The following TYW1 variants were observed in gnomAD, a reference collection of about 807,000 sequenced individuals.
TYW1 encodes tRNA-yW synthesizing protein 1 homolog, also known as S-adenosyl-L-methionine-dependent tRNA 4-demethylwyosine synthase TYW1.
A neutral mutation model predicts 96.2 loss-of-function variants in TYW1; 46 were observed. The ratio of observed to expected loss-of-function variants is 0.48; its 90% confidence interval spans 0.38 to 0.61. The LOEUF (loss-of-function observed/expected upper bound fraction) is 0.61, where lower values mean the gene tolerates loss of function less well. Ranked by LOEUF, TYW1 falls within the 20% of genes least tolerant of loss-of-function variation. The probability of loss-of-function intolerance (pLI) is 0.00; values close to 1 mark genes in which losing one functional copy is unlikely to be tolerated. For missense variants in TYW1, 684 were observed against 909.6 expected (o/e 0.75, Z 3.19); for synonymous variants, 274 against 323.0 (o/e 0.85, Z 1.63).
chr7:67,105,870 G>A (rs936169839), intron 12 of TYW1, among the ~76,000 whole-genome samples: 1 of 149,808 alleles, frequency 6.7e-6, no homozygotes, highest in African/African-American at 2.4e-5. Context: ...GAACTTTTGA[G>A]AGAGGAGAGA....
chr7:67,046,487 A>G (rs1263631782), intron 7 of TYW1, among the ~76,000 whole-genome samples: 1 of 152,114 alleles, frequency 6.6e-6, no homozygotes, highest in Admixed American at 6.6e-5. Context: ...ATGGTACAGG[A>G]GAGGAAGAAA....
At chr7:67,177,070 A>C (rs1048810846) in intron 13 of TYW1, among the ~76,000 whole-genome samples, 1 of 152,246 alleles carries the variant, frequency 6.6e-6, no homozygotes, top group Non-Finnish European at 1.5e-5. Flanking sequence ...AGACAATGAG[A>C]AACAATTAGA....
chr7:67,146,543 C>A (rs10250751), intron 13 of TYW1, among the ~76,000 whole-genome samples: 1 of 151,612 alleles, frequency 6.6e-6, no homozygotes, highest in Non-Finnish European at 1.5e-5. Flanking sequence ...TAAACAAAGC[C>A]CAACCACTTG....
At chr7:67,185,502 G>A (rs191939484) in intron 14 of TYW1, among the ~76,000 whole-genome samples, 18 of 152,246 alleles carry the variant, frequency 1.2e-4, no homozygotes, top group Admixed American at 1.1e-3. Flanking sequence ...TTATAGGTAC[G>A]GGCTGAAAGA....
In TYW1 at chr7:67,045,845, G is replaced by A. The variant is rs567490268; in HGVS notation, c.985-4104G>A. Among the ~76,000 whole-genome samples the A allele has an allele frequency of 2.0e-5, 3 of 152,164 alleles. No homozygotes were observed. In the South Asian group the frequency reaches 6.2e-4, roughly 32 times the overall value. On this transcript the variant is annotated intron_variant, in intron 7 of 15. Coordinates refer to ENST00000359626, the MANE Select transcript of TYW1 (RefSeq NM_018264.4). ...TTGTCCCTTAGGAGAAATCAAGGCC[G>A]TGGACAAGAATGGTGGCATTGTAGA...
intron 8 of TYW1, among the ~76,000 whole-genome samples, chr7:67,050,475 G>A (rs1584502438): frequency 6.6e-6 from 1 of 152,058 alleles, no homozygotes; most frequent in African/African-American, 2.4e-5. Flanking sequence ...AGTTTCCTGT[G>A]GAGGAAAGAG....
chr7:67,019,561 C>G (rs959213764), intron 6 of TYW1, among the ~76,000 whole-genome samples: 1 of 152,272 alleles, frequency 6.6e-6, no homozygotes, highest in African/African-American at 2.4e-5. Flanking sequence ...CTCCTGGCCT[C>G]GAGCAAACCT....
intron 7 of TYW1, among the ~76,000 whole-genome samples, chr7:67,040,673 T>C (rs1217940467): frequency 3.3e-5 from 5 of 151,902 alleles, no homozygotes; most frequent in Non-Finnish European, 7.4e-5. Flanking sequence ...GACGAAACCC[T>C]ATCTCTACGA....
chr7:67,013,120 C>CTTT (rs535642821), intron 4 of TYW1, among the ~76,000 whole-genome samples: 5 of 141,536 alleles, frequency 3.5e-5, no homozygotes, highest in African/African-American at 5.2e-5. Flanking sequence ...CTTTTCTTTT[C>CTTT]TTTTTTTTTT....
intron 15 of TYW1, among the ~76,000 whole-genome samples, chr7:67,200,231 T>G (rs1433098933): frequency 6.6e-6 from 1 of 151,992 alleles, no homozygotes; most frequent in Non-Finnish European, 1.5e-5. Flanking sequence ...GGCACATGGG[T>G]ATTCTGAGAA....
chr7:67,213,150 G>T (rs2421422), intron 15 of TYW1, among the ~76,000 whole-genome samples: 1 of 150,270 alleles, frequency 6.7e-6, no homozygotes, highest in African/African-American at 2.5e-5. Flanking sequence ...GGGATTACAG[G>T]TATGAGCCAC....
chr7:67,118,184 A>G (rs1224659607), intron 13 of TYW1, among the ~76,000 whole-genome samples: 1 of 151,996 alleles, frequency 6.6e-6, no homozygotes, highest in African/African-American at 2.4e-5. Context: ...AAAATTAGCC[A>G]GTTGTGATGA....
chr7:67,228,790 AC>A (rs1801647450), intron 15 of TYW1, among the ~76,000 whole-genome samples: 1 of 152,244 alleles, frequency 6.6e-6, no homozygotes, highest in South Asian at 2.1e-4. Context: ...TTTCAGCAGA[AC>A]CTGGTTTGAG....
In TYW1 at chr7:67,221,511, ATTT is replaced by A. The variant is rs1329567787; in HGVS notation, c.1978-16796_1978-16794del. ...CGAAAATAATGACCGATATGGAGGGATTTACTTCTGTCATTTTGTTATTTCTCA... is the reference window on the plus strand; with the variant it reads ...CGAAAATAATGACCGATATGGAGGGAACTTCTGTCATTTTGTTATTTCTCA... On this transcript the variant is annotated intron_variant, in intron 15 of 15. Coordinates refer to ENST00000359626, the MANE Select transcript of TYW1 (RefSeq NM_018264.4). 2.6e-5 allele frequency among the ~76,000 whole-genome samples: 4 copies of A among 152,100 alleles called. No homozygotes were observed. In the East Asian group the frequency reaches 7.8e-4, roughly 29 times the overall value.
chr7:67,052,206 G>A (rs1344873415), intron 8 of TYW1, among the ~76,000 whole-genome samples: 1 of 151,810 alleles, frequency 6.6e-6, no homozygotes, highest in East Asian at 1.9e-4. Context: ...CATGAAATTC[G>A]GACAAATTTT....
intron 15 of TYW1, among the ~76,000 whole-genome samples, chr7:67,218,062 T>A (rs1310944210): frequency 6.6e-6 from 1 of 151,670 alleles, no homozygotes; most frequent in Admixed American, 6.6e-5. Context: ...TTTCACCATG[T>A]TGGCCAGGCT....
chr7:67,189,435 A>T (rs1437327350), intron 14 of TYW1, among the ~76,000 whole-genome samples: 2 of 148,950 alleles, frequency 1.3e-5, no homozygotes, highest in Non-Finnish European at 3.0e-5. Flanking sequence ...TGTGTGTGGT[A>T]TGTGTATGTA....
chr7:67,187,147 G>A (rs11764142), intron 14 of TYW1, among the ~76,000 whole-genome samples: 1 of 144,634 alleles, frequency 6.9e-6, no homozygotes, highest in African/African-American at 2.5e-5. Flanking sequence ...CACTGCAACC[G>A]CCGCCTCCTG....
At chr7:67,101,100 C>T (rs1169973900) in intron 12 of TYW1, among the ~76,000 whole-genome samples, 1 of 152,150 alleles carries the variant, frequency 6.6e-6, no homozygotes, top group South Asian at 2.1e-4. Flanking sequence ...TCTCATACCT[C>T]TTTCTGCAGC....
Sources: allele counts gnomAD v4.1 joint callset (sites outside exome capture counted in the v4.1 genomes callset), GRCh38; gene constraint gnomAD v4.1.1; transcripts MANE v1.5; gene names NCBI Gene and HGNC (gene_info 2026-07-23, HGNC 2026-07-21).